The following USP15 variants were observed in gnomAD, a reference collection of about 807,000 sequenced individuals.
The protein encoded by USP15 is ubiquitin carboxyl-terminal hydrolase 15.
USP15 carries 18 observed loss-of-function variants against 127.1 expected under a neutral mutation model. That is an observed-to-expected ratio of 0.14 (90% CI 0.10 to 0.21). The LOEUF is 0.21. Ranked by LOEUF, USP15 falls within the 10% of genes least tolerant of loss-of-function variation. The pLI, the probability that USP15 is intolerant of heterozygous loss-of-function variation, is 1.00. For synonymous variants in USP15, 364 were observed against 393.7 expected, an observed-to-expected ratio of 0.92 and a Z score of 0.89; for missense variants, 805 against 1,159.9, an observed-to-expected ratio of 0.69 and a Z score of 4.44.
At position 62,349,303 on chromosome 12, in the gene USP15, A is replaced by G; in HGVS notation, c.766A>G (p.Arg256Gly). 1 of 1,479,492 alleles carries G rather than the reference A, an allele frequency of 6.8e-7. No individual in the cohort carries two copies. Among genetic ancestry groups the G allele is most frequent in the Non-Finnish European group, 9.0e-7 (1 of 1,117,268 alleles). The allele number at this position is 1,479,492 out of a possible 1,614,324, so 91.6% of individuals were successfully genotyped here. A position where few individuals can be genotyped will look rare whatever the true frequency, so the allele number is the denominator to read the frequency against. The change falls in exon 7 of 22, where the codon AGA becomes GGA. Residue 256 changes from arginine to glycine, a missense_variant. Physicochemically the swap from Arg to Gly is moderately radical, Grantham distance 125. Coordinates refer to ENST00000280377, the MANE Select transcript of USP15 (RefSeq NM_001252078.2). ...AAATAATTATAACAACATGAACAAC[A>G]GAAAGTAAGCACTGAATCTTAAAAA... ...LSNNYNNMNN[R>G]NVKNSNYCLP...
chr12:62,405,259 C>T lies in USP15; in HGVS notation c.*884C>T, dbSNP rs1411697686. The T allele has an allele frequency of 6.6e-6, 1 of 152,068 alleles. No individual in the cohort carries two copies. Among genetic ancestry groups the T allele is most frequent in the East Asian group, 1.9e-4 (1 of 5,200 alleles). The allele number at this position is 152,068 out of a possible 1,614,324, so 9.4% of individuals were successfully genotyped here. On this transcript the variant is annotated 3_prime_UTR_variant, in exon 22 of 22. Transcript: ENST00000280377. ...CCAATTATTGTAATATAAGGACAGA[C>T]ATAATAGTATTCTGTACCCATAGTA...
rs1022697211 is a variant in USP15, at chr12:62,388,392, C to T, written c.1474-1039C>T. On this transcript the variant is annotated intron_variant, in intron 11 of 21. Coordinates refer to ENST00000280377, the MANE Select transcript of USP15 (RefSeq NM_001252078.2). ...AAGCGATTCACCTGCCTTGGCCTCCCAAAGTGTTGGGATTACAGGCGTGAG... is the reference window on the plus strand; with the variant it reads ...AAGCGATTCACCTGCCTTGGCCTCCTAAAGTGTTGGGATTACAGGCGTGAG... Among the ~76,000 whole-genome samples the T allele has an allele frequency of 4.6e-5, 7 of 152,282 alleles. No homozygotes were observed. In the South Asian group the frequency reaches 6.2e-4, roughly 14 times the overall value.
intron 1 of USP15, among the ~76,000 whole-genome samples, chr12:62,264,510 A>T (rs1049430020): frequency 6.6e-6 from 1 of 152,242 alleles, no homozygotes; most frequent in Non-Finnish European, 1.5e-5. Context: ...TAATAACTGT[A>T]GTAGGTAACT....
intron 6 of USP15, chr12:62,333,965 C>T (rs1256998620): frequency 6.6e-6 from 1 of 151,886 alleles, no homozygotes; most frequent in African/African-American, 2.4e-5. Context: ...ACAAAAAATC[C>T]CTTATTTTTT....
At chr12:62,353,544 C>T (rs899178661) in intron 7 of USP15, among the ~76,000 whole-genome samples, 1 of 151,978 alleles carries the variant, frequency 6.6e-6, no homozygotes, top group Non-Finnish European at 1.5e-5. Flanking sequence ...TTAAATTTTA[C>T]TATGATTTTA....
intron 8 of USP15, among the ~76,000 whole-genome samples, chr12:62,359,470 G>A (rs1025051273): frequency 3.3e-5 from 5 of 152,050 alleles, no homozygotes; most frequent in Non-Finnish European, 7.4e-5. Context: ...GTTTTAACTC[G>A]TAGGATGCTG....
At chr12:62,326,349 T>G (rs2065122476) in intron 6 of USP15, among the ~76,000 whole-genome samples, 2 of 151,946 alleles carry the variant, frequency 1.3e-5, no homozygotes, top group Non-Finnish European at 2.9e-5. Context: ...CAAATAGAGG[T>G]AGAGGAGTAT....
chr12:62,272,144 A>C (rs558545587), intron 1 of USP15, among the ~76,000 whole-genome samples: 1 of 151,866 alleles, frequency 6.6e-6, no homozygotes, highest in Non-Finnish European at 1.5e-5. Flanking sequence ...GTTTTATGCT[A>C]TCACTACTCA....
chr12:62,394,496 T>G (rs1414063558), intron 19 of USP15, among the ~76,000 whole-genome samples: 1 of 152,188 alleles, frequency 6.6e-6, no homozygotes, highest in African/African-American at 2.4e-5. Flanking sequence ...CATTTTCTCT[T>G]TAACAAAATA....
At chr12:62,328,218 A>G in intron 6 of USP15, 1 of 420,158 alleles carries the variant, frequency 2.4e-6, no homozygotes, top group East Asian at 7.0e-5. Context: ...AGGTTGTCTA[A>G]TATAAGATTA....
intron 7 of USP15, among the ~76,000 whole-genome samples, chr12:62,354,274 C>T (rs932036619): frequency 4.0e-5 from 6 of 151,804 alleles, no homozygotes; most frequent in Non-Finnish European, 7.4e-5. Flanking sequence ...TAAGAAAAAA[C>T]TACTTTAAAA....
intron 1 of USP15, among the ~76,000 whole-genome samples, chr12:62,269,536 A>G (rs1426227993): frequency 6.6e-6 from 1 of 152,038 alleles, no homozygotes; most frequent in Non-Finnish European, 1.5e-5. Context: ...CCACTGCCTC[A>G]TCCTCCCAAT....
At chr12:62,371,585 A>G (rs1383951075) in intron 8 of USP15, among the ~76,000 whole-genome samples, 2 of 152,146 alleles carry the variant, frequency 1.3e-5, no homozygotes, top group Admixed American at 1.3e-4. Flanking sequence ...TTTTTATATG[A>G]GTGTTTTTAA....
chr12:62,299,359 C>T (rs571491357), intron 2 of USP15, among the ~76,000 whole-genome samples: 3 of 152,272 alleles, frequency 2.0e-5, no homozygotes, highest in Admixed American at 2.0e-4. Context: ...GATCCATCCG[C>T]CTCAGTCCCC....
At chr12:62,324,327 ATAAT>A (rs2065069524) in intron 5 of USP15, among the ~76,000 whole-genome samples, 1 of 152,016 alleles carries the variant, frequency 6.6e-6, no homozygotes, top group South Asian at 2.1e-4. Flanking sequence ...TTATGGTTAA[ATAAT>A]TATATTAAAT....
At chr12:62,347,063 C>T (rs747528327) in intron 6 of USP15, among the ~76,000 whole-genome samples, 7 of 151,646 alleles carry the variant, frequency 4.6e-5, no homozygotes, top group Non-Finnish European at 1.0e-4. Flanking sequence ...TCATTTTTTC[C>T]TATTGTGAGC....
intron 1 of USP15, among the ~76,000 whole-genome samples, chr12:62,287,099 T>A (rs930071245): frequency 6.6e-6 from 1 of 152,094 alleles, no homozygotes; most frequent in Non-Finnish European, 1.5e-5. Flanking sequence ...TTCTCACTTA[T>A]AAGTAGGAGC....
intron 1 of USP15, 95 bp from the exon 2 acceptor site, chr12:62,294,083 CT>C: frequency 7.6e-7 from 1 of 1,320,346 alleles, no homozygotes; most frequent in Non-Finnish European, 1.0e-6. Flanking sequence ...GTAGATATGT[CT>C]TTTAATATAA....
chr12:62,263,534 A>G (rs1203961907), intron 1 of USP15, among the ~76,000 whole-genome samples: 1 of 152,240 alleles, frequency 6.6e-6, no homozygotes, highest in East Asian at 1.9e-4. Context: ...ATTTTTATCT[A>G]AAAACTGATT....
Sources: gnomAD v4.1 joint callset for allele counts (sites outside exome capture counted in the v4.1 genomes callset) on GRCh38, gnomAD v4.1.1 for gene constraint, MANE v1.5 for transcripts, NCBI Gene and HGNC (gene_info 2026-07-23, HGNC 2026-07-21) for gene names.